The following NBAS variants were observed in gnomAD, a reference collection of about 807,000 sequenced individuals.
The protein encoded by NBAS is NAG/BC035112 fusion.
In NBAS, 219 loss-of-function variants were observed where a neutral mutation model predicts 302.5. The observed-to-expected ratio is 0.72, with a 90% CI of 0.65 to 0.81. The LOEUF is 0.81. Among genes scored for constraint, NBAS ranks in the 30% least tolerant of loss-of-function variants. The pLI is 0.00. For synonymous variants in NBAS, 1,118 were observed against 1,021.6 expected (o/e 1.09, Z -1.80); for missense variants, 2,932 against 2,841.6 (o/e 1.03, Z -0.72).
chr2:15,312,106 C>T lies in NBAS; in HGVS notation c.4583-2859G>A, dbSNP rs545736887. Among the ~76,000 whole-genome samples the T allele has an allele frequency of 6.6e-5, 10 of 152,286 alleles. No homozygotes were observed. The South Asian group carries it at 8.3e-4, about 13-fold the overall frequency. On this transcript the variant is annotated intron_variant, in intron 38 of 51. Transcript: ENST00000281513. ...TGCCAGATAGGCCTGCCTTTGGCTTCAAGGACACTGAGTTCTCCTGCATCT... is the reference window on the plus strand; with the variant it reads ...TGCCAGATAGGCCTGCCTTTGGCTTTAAGGACACTGAGTTCTCCTGCATCT...
the NBAS span, among the ~76,000 whole-genome samples, chr2:15,142,767 T>G: frequency 6.6e-6 from 1 of 152,164 alleles, no homozygotes; most frequent in African/African-American, 2.4e-5. Context: ...ATAAGGAACA[T>G]TCCATGGATA....
chr2:15,440,231 C>A (rs1678293638), intron 21 of NBAS, among the ~76,000 whole-genome samples: 1 of 152,216 alleles, frequency 6.6e-6, no homozygotes, highest in Admixed American at 6.5e-5. Flanking sequence ...CCCCTGACCC[C>A]CGAGCAGCCT....
chr2:14,929,235 T>C, the NBAS span, among the ~76,000 whole-genome samples: 1 of 152,196 alleles, frequency 6.6e-6, no homozygotes, highest in Non-Finnish European at 1.5e-5. Context: ...TCTTACATGC[T>C]CTAAAACTTG....
At chr2:15,085,708 C>T in the NBAS span, among the ~76,000 whole-genome samples, 1 of 152,306 alleles carries the variant, frequency 6.6e-6, no homozygotes, top group East Asian at 1.9e-4. Flanking sequence ...GCCCCCCATG[C>T]TCTTGTATGC....
chr2:15,033,788 A>C, the NBAS span, among the ~76,000 whole-genome samples: 1 of 151,982 alleles, frequency 6.6e-6, no homozygotes, highest in Admixed American at 6.6e-5. Context: ...CTTCAAAAAA[A>C]ATAACAAAAA....
intron 35 of NBAS, among the ~76,000 whole-genome samples, chr2:15,350,487 C>T (rs1052261812): frequency 3.3e-5 from 5 of 152,162 alleles, no homozygotes; most frequent in Admixed American, 6.5e-5. Flanking sequence ...CTAAAAAATG[C>T]TAATTCTACG....
At chr2:15,244,916 G>A (rs1030274332) in intron 44 of NBAS, among the ~76,000 whole-genome samples, 4 of 152,044 alleles carry the variant, frequency 2.6e-5, no homozygotes, top group Non-Finnish European at 4.4e-5. Context: ...CCCATGAAAC[G>A]TGAGAGAAGT....
At chr2:15,031,518 T>C in the NBAS span, among the ~76,000 whole-genome samples, 45 of 152,236 alleles carry the variant, frequency 3.0e-4, no homozygotes, top group East Asian at 2.3e-3. Flanking sequence ...ACTACCCACC[T>C]CTGGTCTATA....
intron 44 of NBAS, among the ~76,000 whole-genome samples, chr2:15,247,678 C>CTA (rs1254494421): frequency 2.3e-4 from 35 of 150,908 alleles, no homozygotes; most frequent in African/African-American, 6.8e-4. Flanking sequence ...CTCTCTCTCT[C>CTA]TCTATATATA....
chr2:15,078,885 C>T, the NBAS span, among the ~76,000 whole-genome samples: 2 of 151,930 alleles, frequency 1.3e-5, no homozygotes. Flanking sequence ...TTTTATATAC[C>T]AGTAAATTTC....
the NBAS span, among the ~76,000 whole-genome samples, chr2:14,843,582 A>ACACACACACAC: frequency 0.015 from 2,281 of 150,836 alleles, 56 homozygotes; most frequent in African/African-American, 0.051. Context: ...ACACACACAC[A>ACACACACACAC]AAAATACCTT....
At chr2:15,294,715 C>G (rs761903125) in intron 40 of NBAS, among the ~76,000 whole-genome samples, 1 of 152,054 alleles carries the variant, frequency 6.6e-6, no homozygotes, top group Non-Finnish European at 1.5e-5. Context: ...GTTGTAAAGA[C>G]AGCAAGACCA....
chr2:15,198,077 T>C (rs568910803), intron 48 of NBAS, among the ~76,000 whole-genome samples: 61 of 152,354 alleles, frequency 4.0e-4, no homozygotes, highest in African/African-American at 1.3e-3. Flanking sequence ...ATTTTTATTC[T>C]TTTCATTTAG....
At chr2:15,438,489 G>T (rs931963470) in intron 21 of NBAS, among the ~76,000 whole-genome samples, 5 of 152,108 alleles carry the variant, frequency 3.3e-5, no homozygotes, top group Non-Finnish European at 7.3e-5. Flanking sequence ...TGAATCTCTT[G>T]AATTAATCTA....
intron 26 of NBAS, among the ~76,000 whole-genome samples, chr2:15,400,587 C>T (rs1443278695): frequency 6.6e-6 from 1 of 152,100 alleles, no homozygotes; most frequent in Non-Finnish European, 1.5e-5. Context: ...CAAGGAAAAA[C>T]CTACCAGTGA....
intron 21 of NBAS, among the ~76,000 whole-genome samples, chr2:15,434,397 C>T (rs1206590275): frequency 6.6e-6 from 1 of 152,068 alleles, no homozygotes; most frequent in African/African-American, 2.4e-5. Context: ...ACTGAAGGTC[C>T]TCAGAACAAT....
Position 15,396,399 on chromosome 2 carries a change from G to C in NBAS, c.3134+14C>G. On this transcript the variant is annotated intron_variant, in intron 27 of 51. Coordinates refer to ENST00000281513, the MANE Select transcript of NBAS (RefSeq NM_015909.4). ...ATAAGCATGGAGAAAAAAAAAAACTGTCATTTTTCTCACCTGAGAATTTGT... is the reference window on the plus strand; with the variant it reads ...ATAAGCATGGAGAAAAAAAAAAACTCTCATTTTTCTCACCTGAGAATTTGT... 1.9e-6 allele frequency: 3 copies of C among 1,588,686 alleles called. No individual in the cohort carries two copies. Among genetic ancestry groups the C allele is most frequent in the Non-Finnish European group, 2.6e-6 (3 of 1,164,882 alleles).
the NBAS span, among the ~76,000 whole-genome samples, chr2:14,929,480 C>T: frequency 2.0e-5 from 3 of 152,196 alleles, no homozygotes; most frequent in Non-Finnish European, 2.9e-5. Flanking sequence ...TGGGTTCAAG[C>T]GATTCTCCTG....
At chr2:15,328,406 G>C in intron 36 of NBAS, 94 bp from the exon 37 acceptor site, 1 of 1,034,484 alleles carries the variant, frequency 9.7e-7, no homozygotes, top group South Asian at 1.3e-5. Flanking sequence ...GAGAGAGGGA[G>C]GAAGAAAAGG....
Sources: gnomAD v4.1 joint callset for allele counts (sites outside exome capture counted in the v4.1 genomes callset) on GRCh38, gnomAD v4.1.1 for gene constraint, MANE v1.5 for transcripts, NCBI Gene and HGNC (gene_info 2026-07-23, HGNC 2026-07-21) for gene names.